KCNMA1: variants seen among roughly 807,000 people sequenced by gnomAD.
The protein encoded by KCNMA1 is Calcium-activated potassium channel subunit alpha-1.
Under a neutral mutation model 140.0 loss-of-function variants are expected in KCNMA1, and 29 were observed. That is an observed-to-expected ratio of 0.21 (90% confidence interval 0.15 to 0.28). The LOEUF is 0.28. Among genes scored for constraint, KCNMA1 ranks in the 10% least tolerant of loss-of-function variants. The pLI, the probability that KCNMA1 is intolerant of heterozygous loss-of-function variation, is 1.00. For synonymous variants in KCNMA1, 612 were observed against 611.9 expected (o/e 1.00, Z 0.00); for missense variants, 880 against 1,602.2 (o/e 0.55, Z 7.70).
At position 76,913,979 on chromosome 10, in the gene KCNMA1, A is replaced by C. The variant is rs373199092; in HGVS notation, c.3016+957T>G. 1.4e-5 allele frequency: 16 copies of C among 1,118,982 alleles called. No individual in the cohort carries two copies. In the African/African-American group the frequency reaches 1.9e-4, roughly 13 times the overall value. The allele number at this position is 1,118,982 out of a possible 1,614,324, so 69.3% of individuals were successfully genotyped here. ...TTTCTGTTACAGCCGGTGAAATAAA[A>C]ACAAGCTGATGATAGTTGGAAACAC... On this transcript the variant is annotated intron_variant, in intron 24 of 27. Transcript: ENST00000286628.
chr10:77,251,979 T>C (rs1048039061), intron 2 of KCNMA1, among the ~76,000 whole-genome samples: 7 of 152,256 alleles, frequency 4.6e-5, no homozygotes, highest in African/African-American at 1.4e-4. Flanking sequence ...GCATGTATGA[T>C]CTATATGATT....
At chr10:77,636,900 G>A (rs912058385) in intron 1 of KCNMA1, 6 of 1,419,876 alleles carry the variant, frequency 4.2e-6, no homozygotes, top group Middle Eastern at 2.6e-4. Context: ...GCACCCAGCT[G>A]CCCCCAGCTT....
intron 2 of KCNMA1, among the ~76,000 whole-genome samples, chr10:77,291,910 G>T (rs948986687): frequency 6.6e-6 from 1 of 152,202 alleles, no homozygotes; most frequent in Non-Finnish European, 1.5e-5. Flanking sequence ...CACTAGGAAT[G>T]CGGAATTCCC....
At chr10:76,980,507 G>C (rs1796996432) in intron 19 of KCNMA1, 1 of 152,232 alleles carries the variant, frequency 6.6e-6, no homozygotes, top group African/African-American at 2.4e-5. Flanking sequence ...ACTGTCCCCA[G>C]TGTGCTGAGC....
In KCNMA1 at chr10:76,976,575, C is replaced by T. The variant is rs535054812; in HGVS notation, c.2267-6508G>A. On this transcript the variant is annotated intron_variant, in intron 19 of 27. Coordinates refer to ENST00000286628, the MANE Select transcript of KCNMA1 (RefSeq NM_001161352.2). Reference sequence around the variant, plus strand: ...GTGCCCATGCTACCCATGCCATAGGCCCTCAACCCCAATCTCAAACTATGT... The same window carrying T: ...GTGCCCATGCTACCCATGCCATAGGTCCTCAACCCCAATCTCAAACTATGT... Among the ~76,000 whole-genome samples, 26 of 152,226 alleles carry T rather than the reference C, an allele frequency of 1.7e-4. 1 individual carries two copies. The South Asian group carries it at 2.9e-3, about 17-fold the overall frequency.
intron 2 of KCNMA1, among the ~76,000 whole-genome samples, chr10:77,321,941 G>C (rs961288349): frequency 7.9e-5 from 12 of 152,186 alleles, no homozygotes; most frequent in African/African-American, 2.9e-4. Context: ...AATCAGGATA[G>C]ACAAGGTTAT....
At chr10:77,093,266 G>GA (rs1162232736) in intron 9 of KCNMA1, among the ~76,000 whole-genome samples, 6 of 152,084 alleles carry the variant, frequency 3.9e-5, no homozygotes, top group African/African-American at 1.4e-4. Context: ...TTTTTGCTCA[G>GA]AAAAAAAGCG....
At chr10:77,139,842 C>T (rs995795431) in intron 5 of KCNMA1, among the ~76,000 whole-genome samples, 7 of 152,040 alleles carry the variant, frequency 4.6e-5, no homozygotes, top group South Asian at 2.1e-4. Context: ...GGCAAGACCA[C>T]GCTCCCATGG....
At chr10:77,478,625 A>C (rs1033923221) in intron 1 of KCNMA1, among the ~76,000 whole-genome samples, 2 of 152,240 alleles carry the variant, frequency 1.3e-5, no homozygotes, top group South Asian at 4.1e-4. Context: ...AAAAAAGAGT[A>C]TCACAAAACT....
At chr10:77,266,886 C>T (rs1385538619) in intron 2 of KCNMA1, among the ~76,000 whole-genome samples, 1 of 152,150 alleles carries the variant, frequency 6.6e-6, no homozygotes, top group Non-Finnish European at 1.5e-5. Flanking sequence ...TGCTGTATAC[C>T]AAGCTTTGTG....
intron 1 of KCNMA1, among the ~76,000 whole-genome samples, chr10:77,481,787 AAAAAG>A (rs1368383514): frequency 3.3e-5 from 5 of 151,696 alleles, no homozygotes; most frequent in African/African-American, 1.2e-4. Context: ...AAAAAAAAAA[AAAAAG>A]AAAGAAACTA....
At chr10:77,323,297 C>T (rs1299696427) in intron 2 of KCNMA1, among the ~76,000 whole-genome samples, 1 of 152,142 alleles carries the variant, frequency 6.6e-6, no homozygotes, top group African/African-American at 2.4e-5. Context: ...GCAATAGGTC[C>T]CCTCATTTGT....
At chr10:77,317,492 G>C (rs1363090932) in intron 2 of KCNMA1, among the ~76,000 whole-genome samples, 1 of 152,234 alleles carries the variant, frequency 6.6e-6, no homozygotes, top group Non-Finnish European at 1.5e-5. Context: ...TGGAGGATTA[G>C]TTGGGGAGAG....
At chr10:77,060,109 C>A (rs372101311) in intron 14 of KCNMA1, among the ~76,000 whole-genome samples, 1 of 152,054 alleles carries the variant, frequency 6.6e-6, no homozygotes. Context: ...CTGGAAGATA[C>A]GACATAGTAA....
chr10:77,497,401 T>C (rs1292151116), intron 1 of KCNMA1, among the ~76,000 whole-genome samples: 1 of 152,212 alleles, frequency 6.6e-6, no homozygotes, highest in Middle Eastern at 3.2e-3. Flanking sequence ...AGTGATGCAC[T>C]GGAAGTCGAT....
intron 2 of KCNMA1, among the ~76,000 whole-genome samples, chr10:77,383,018 ATATATATATATT>A (rs1436163136): frequency 1.6e-4 from 20 of 126,056 alleles, no homozygotes; most frequent in African/African-American, 4.5e-4. Context: ...ATATATATAT[ATATATATATATT>A]CCAAGTGGAG....
chr10:77,073,766 T>A (rs1353231250), intron 13 of KCNMA1, among the ~76,000 whole-genome samples: 1 of 152,072 alleles, frequency 6.6e-6, no homozygotes, highest in East Asian at 1.9e-4. Flanking sequence ...AGATCTGGGG[T>A]AAGGCTGGAG....
intron 1 of KCNMA1, among the ~76,000 whole-genome samples, chr10:77,491,129 C>G (rs143863219): frequency 3.9e-4 from 60 of 152,296 alleles, no homozygotes; most frequent in African/African-American, 1.4e-3. Context: ...TTTGTTTGTC[C>G]TGAATCCAAA....
chr10:77,560,113 G>A (rs181361146), intron 1 of KCNMA1, among the ~76,000 whole-genome samples: 45 of 152,270 alleles, frequency 3.0e-4, no homozygotes, highest in Non-Finnish European at 6.0e-4. Flanking sequence ...AACCCTGGAG[G>A]TGGAGGCTGC....
Sources: allele counts gnomAD v4.1 joint callset (sites outside exome capture counted in the v4.1 genomes callset), GRCh38; gene constraint gnomAD v4.1.1; transcripts MANE v1.5; gene names NCBI Gene and HGNC (gene_info 2026-07-23, HGNC 2026-07-21).